Variants in FOXP1 observed in about 807,000 individuals in gnomAD.
The protein encoded by FOXP1 is forkhead box P1, also known as forkhead box protein P1.
FOXP1 carries 15 observed loss-of-function variants against 98.2 expected under a neutral mutation model. That is an observed-to-expected ratio of 0.15 (90% confidence interval 0.10 to 0.24). The LOEUF (loss-of-function observed/expected upper bound fraction) is 0.24, where lower values mean the gene tolerates loss of function less well. Among genes scored for constraint, FOXP1 ranks in the 10% least tolerant of loss-of-function variants. The pLI is 1.00. For synonymous variants in FOXP1, 371 were observed against 314.5 expected, an observed-to-expected ratio of 1.18 and a Z score of -1.90; for missense variants, 633 against 848.5, an observed-to-expected ratio of 0.75 and a Z score of 3.15.
intron 2 of FOXP1, among the ~76,000 whole-genome samples, chr3:71,562,998 C>T (rs6773658): frequency 0.62 from 93,727 of 152,010 alleles, 30,316 homozygotes; most frequent in Non-Finnish European, 0.69. Context: ...AGCAAGTGCC[C>T]TTCCAGGAAA....
intron 4 of FOXP1, among the ~76,000 whole-genome samples, chr3:71,321,121 CAAA>C (rs11293559): frequency 7.4e-5 from 9 of 121,974 alleles, no homozygotes; most frequent in Non-Finnish European, 1.2e-4. Flanking sequence ...TAGACTGTAC[CAAA>C]AAAAAAAAAA....
chr3:71,435,963 G>A (rs554935843), intron 3 of FOXP1, among the ~76,000 whole-genome samples: 7 of 115,064 alleles, frequency 6.1e-5, no homozygotes, highest in African/African-American at 1.8e-4. Context: ...GAGGGAGGGA[G>A]GAAAAAAGGA....
intron 5 of FOXP1, among the ~76,000 whole-genome samples, chr3:71,264,525 C>T (rs1489605585): frequency 6.6e-6 from 1 of 152,128 alleles, no homozygotes; most frequent in Non-Finnish European, 1.5e-5. Context: ...ATTCTTAAGT[C>T]CTTAGACTTC....
chr3:71,501,864 T>C (rs2041393872), intron 2 of FOXP1, among the ~76,000 whole-genome samples: 1 of 152,186 alleles, frequency 6.6e-6, no homozygotes, highest in Admixed American at 6.5e-5. Flanking sequence ...CTGGTATCCC[T>C]CAAGATGGCC....
At chr3:71,508,087 C>T (rs941862517) in intron 2 of FOXP1, among the ~76,000 whole-genome samples, 5 of 152,164 alleles carry the variant, frequency 3.3e-5, no homozygotes, top group African/African-American at 1.2e-4. Context: ...TATTCCAAAG[C>T]TCTTGCTCTT....
chr3:71,260,177 G>C (rs2068985807), intron 5 of FOXP1, among the ~76,000 whole-genome samples: 1 of 152,128 alleles, frequency 6.6e-6, no homozygotes, highest in Admixed American at 6.5e-5. Context: ...TACAGGCGGG[G>C]TTTCACCGTG....
At chr3:71,109,702 T>C (rs961604603) in intron 7 of FOXP1, among the ~76,000 whole-genome samples, 1 of 152,208 alleles carries the variant, frequency 6.6e-6, no homozygotes, top group African/African-American at 2.4e-5. Context: ...TATATGCATA[T>C]TTTTATAATG....
At chr3:70,995,830 G>C (rs908253637) in intron 13 of FOXP1, among the ~76,000 whole-genome samples, 6 of 152,114 alleles carry the variant, frequency 3.9e-5, no homozygotes, top group Non-Finnish European at 8.8e-5. Context: ...CTGTTAACAA[G>C]CTCTACATAA....
At chr3:71,307,322 A>G (rs926877043) in intron 4 of FOXP1, among the ~76,000 whole-genome samples, 1 of 152,252 alleles carries the variant, frequency 6.6e-6, no homozygotes, top group African/African-American at 2.4e-5. Flanking sequence ...TATTAACACA[A>G]AACTGTTTTC....
chr3:71,260,297 C>G (rs2107173338), intron 5 of FOXP1, among the ~76,000 whole-genome samples: 1 of 151,888 alleles, frequency 6.6e-6, no homozygotes, highest in East Asian at 2.0e-4. Context: ...CTTTCTAATA[C>G]GTAGGGAAGG....
rs527452198 is a variant in FOXP1 at position 70,993,911 on chromosome 3, T to A, written c.1063-5834A>T. ...TGGGAGACTGAGTCAGGAGAATCGC[T>A]TGAACCCGGGAGGTGGAAGTTGCAG... On this transcript the variant is annotated intron_variant, in intron 13 of 20. Transcript: ENST00000649528. Among the ~76,000 whole-genome samples the A allele has an allele frequency of 7.3e-5, 11 of 151,418 alleles. No individual in the cohort carries two copies. In the East Asian group the frequency reaches 2.2e-3, roughly 30 times the overall value.
intron 2 of FOXP1, among the ~76,000 whole-genome samples, chr3:71,532,874 T>A (rs1188450902): frequency 3.3e-5 from 5 of 152,152 alleles, no homozygotes; most frequent in Non-Finnish European, 7.3e-5. Context: ...TAAGCATACA[T>A]TTTCAGGAGG....
chr3:71,375,593 T>TG (rs544485542), intron 3 of FOXP1, among the ~76,000 whole-genome samples: 26 of 152,310 alleles, frequency 1.7e-4, no homozygotes, highest in African/African-American at 6.3e-4. Flanking sequence ...TCTGAGAACT[T>TG]GGATGTATCC....
At chr3:70,980,926 C>T (rs2038724818) in intron 14 of FOXP1, among the ~76,000 whole-genome samples, 1 of 152,154 alleles carries the variant, frequency 6.6e-6, no homozygotes, top group Non-Finnish European at 1.5e-5. Context: ...AACACTGTGG[C>T]TTTCTGAAAG....
intron 11 of FOXP1, among the ~76,000 whole-genome samples, chr3:71,016,957 A>G (rs2044585916): frequency 6.6e-6 from 1 of 152,116 alleles, no homozygotes; most frequent in Admixed American, 6.6e-5. Context: ...AATATAATTT[A>G]AAGATAATAA....
At chr3:71,414,539 T>A (rs2083053889) in intron 3 of FOXP1, among the ~76,000 whole-genome samples, 1 of 152,258 alleles carries the variant, frequency 6.6e-6, no homozygotes, top group Admixed American at 6.5e-5. Context: ...GGGTAAGATT[T>A]AGGTCTCACT....
chr3:71,430,370 G>C (rs1292670484), intron 3 of FOXP1, among the ~76,000 whole-genome samples: 1 of 152,146 alleles, frequency 6.6e-6, no homozygotes, highest in African/African-American at 2.4e-5. Context: ...ATCAGAAAAA[G>C]AAAGGTTATG....
At chr3:71,268,013 G>A (rs1268669456) in intron 5 of FOXP1, among the ~76,000 whole-genome samples, 3 of 80,552 alleles carry the variant, frequency 3.7e-5, no homozygotes, top group Admixed American at 2.8e-4. Context: ...GCGAGACTCC[G>A]TCTCAAAAAA....
At chr3:70,994,707 C>T (rs1310468076) in intron 13 of FOXP1, among the ~76,000 whole-genome samples, 3 of 152,200 alleles carry the variant, frequency 2.0e-5, no homozygotes, top group Admixed American at 6.5e-5. Context: ...TTAAAGAATA[C>T]AAGGTACACA....
Sources: gnomAD v4.1 joint callset for allele counts (sites outside exome capture counted in the v4.1 genomes callset) on GRCh38, gnomAD v4.1.1 for gene constraint, MANE v1.5 for transcripts, NCBI Gene and HGNC (gene_info 2026-07-23, HGNC 2026-07-21) for gene names.